ARHGEF26: variants seen among roughly 807,000 people sequenced by gnomAD.
The protein encoded by ARHGEF26 is Rho guanine nucleotide exchange factor (GEF) 26.
A neutral mutation model predicts 89.4 loss-of-function variants in ARHGEF26; 59 were observed. The observed-to-expected ratio is 0.66, with a 90% CI of 0.54 to 0.82. The LOEUF is 0.82. Ranked by LOEUF, ARHGEF26 falls within the 40% of genes least tolerant of loss-of-function variation. ARHGEF26 has a pLI of 0.00. For synonymous variants in ARHGEF26, 500 were observed against 428.4 expected, an observed-to-expected ratio of 1.17 and a Z score of -2.06; for missense variants, 1,234 against 1,085.6, an observed-to-expected ratio of 1.14 and a Z score of -1.92.
intron 9 of ARHGEF26, among the ~76,000 whole-genome samples, chr3:154,213,563 A>C (rs1294736737): frequency 6.6e-6 from 1 of 152,086 alleles, no homozygotes; most frequent in Non-Finnish European, 1.5e-5. Context: ...GCTTTTGCTG[A>C]TGGGCTCAGA....
chr3:154,239,287 A>AGGGT (rs1717324770), intron 11 of ARHGEF26, among the ~76,000 whole-genome samples: 1 of 104,216 alleles, frequency 9.6e-6, no homozygotes, highest in East Asian at 2.8e-4. Context: ...AGAGAGAGAG[A>AGGGT]GAGAGAGAGA....
intron 7 of ARHGEF26, among the ~76,000 whole-genome samples, chr3:154,189,831 TTG>T (rs1161245294): frequency 6.9e-6 from 1 of 145,750 alleles, no homozygotes; most frequent in Admixed American, 7.2e-5. Context: ...TTAGAGGTTT[TTG>T]TTTTTTTTTT....
intron 9 of ARHGEF26, among the ~76,000 whole-genome samples, chr3:154,217,146 C>T (rs1395890711): frequency 6.6e-6 from 1 of 151,454 alleles, no homozygotes; most frequent in Non-Finnish European, 1.5e-5. Context: ...TTTACAGTCC[C>T]ACCAACAGTG....
intron 6 of ARHGEF26, among the ~76,000 whole-genome samples, chr3:154,174,168 G>T (rs986360505): frequency 1.3e-5 from 2 of 152,174 alleles, no homozygotes; most frequent in Admixed American, 1.3e-4. Context: ...TCTGAGTAGT[G>T]GGATCACCAT....
intron 10 of ARHGEF26, among the ~76,000 whole-genome samples, chr3:154,224,326 TTAGGTGTTTA>T (rs1170263356): frequency 6.6e-6 from 1 of 152,228 alleles, no homozygotes; most frequent in Non-Finnish European, 1.5e-5. Context: ...TTTGTCAATT[TTAGGTGTTTA>T]TAGGTAGAAA....
At chr3:154,253,036 T>C in intron 12 of ARHGEF26, 80 bp from the exon 13 acceptor site, 1 of 1,518,532 alleles carries the variant, frequency 6.6e-7, no homozygotes. Flanking sequence ...GGGAGTGCCT[T>C]TGCATTGGCT....
intron 11 of ARHGEF26, among the ~76,000 whole-genome samples, chr3:154,237,934 T>C (rs1275622963): frequency 1.3e-5 from 2 of 152,142 alleles, no homozygotes; most frequent in Non-Finnish European, 2.9e-5. Flanking sequence ...AGAGAGAAAA[T>C]AGTAACAAAG....
chr3:154,190,673 G>GT (rs1713899123), intron 7 of ARHGEF26, among the ~76,000 whole-genome samples: 1 of 152,190 alleles, frequency 6.6e-6, no homozygotes, highest in Admixed American at 6.5e-5. Context: ...ATGAAAGAAT[G>GT]TATGTCACAG....
intron 4 of ARHGEF26, among the ~76,000 whole-genome samples, chr3:154,142,219 CTT>C (rs967079020): frequency 6.2e-5 from 9 of 145,114 alleles, no homozygotes; most frequent in Non-Finnish European, 1.2e-4. Flanking sequence ...AAAACTTTTT[CTT>C]TTTTTTTTTT....
In ARHGEF26 at chr3:154,196,021, T is replaced by C. The variant is rs547925498; in HGVS notation, c.1845+1303T>C. On this transcript the variant is annotated intron_variant, in intron 9 of 14. Transcript: ENST00000465093. ...GCAGTTAATTTGGTGGTTAACTCTG[T>C]TGAATGCTTCTGAAAGATAAAGTGG... is the stretch of plus-strand genomic sequence containing the variant. Among the ~76,000 whole-genome samples the C allele has an allele frequency of 6.6e-5, 10 of 152,168 alleles. No individual in the cohort carries two copies. In the South Asian group the frequency reaches 2.1e-3, roughly 32 times the overall value.
chr3:154,163,571 C>T (rs955496425), intron 6 of ARHGEF26, among the ~76,000 whole-genome samples: 1 of 152,140 alleles, frequency 6.6e-6, no homozygotes, highest in African/African-American at 2.4e-5. Context: ...TTTGAACTTG[C>T]TCCTGTTGGT....
chr3:154,209,232 C>A (rs1715218891), intron 9 of ARHGEF26, among the ~76,000 whole-genome samples: 1 of 152,174 alleles, frequency 6.6e-6, no homozygotes, highest in South Asian at 2.1e-4. Flanking sequence ...TGAAAAGTCA[C>A]ATATGTGTGT....
intron 9 of ARHGEF26, among the ~76,000 whole-genome samples, chr3:154,200,249 TA>T (rs1226467818): frequency 2.0e-5 from 3 of 152,162 alleles, no homozygotes; most frequent in Non-Finnish European, 4.4e-5. Context: ...TGGTAAGAGA[TA>T]GGGGTATAGT....
At chr3:154,207,413 A>G (rs1715090463) in intron 9 of ARHGEF26, among the ~76,000 whole-genome samples, 1 of 152,136 alleles carries the variant, frequency 6.6e-6, no homozygotes, top group Non-Finnish European at 1.5e-5. Flanking sequence ...AAGAAAAAAG[A>G]ATAACTCTTT....
rs376645250 is a variant in ARHGEF26 at position 154,235,771 on chromosome 3, TA to T, written c.2091-4595del. Reference sequence around the variant, plus strand: ...TCCTTTTTAAACAAAAAAAAATATATAAAACACTTCAGATTACCCAAAGTCC... The same window carrying T: ...TCCTTTTTAAACAAAAAAAAATATATAAACACTTCAGATTACCCAAAGTCC... On this transcript the variant is annotated intron_variant, in intron 11 of 14. Transcript: ENST00000465093. Among the ~76,000 whole-genome samples, 482 of 152,264 alleles carry T rather than the reference TA, an allele frequency of 3.2e-3. 3 individuals are homozygous for T. Among genetic ancestry groups the T allele is most frequent in the African/African-American group, 0.011 (468 of 41,550 alleles).
intron 6 of ARHGEF26, among the ~76,000 whole-genome samples, chr3:154,179,581 G>T (rs1006386833): frequency 6.6e-6 from 1 of 152,148 alleles, no homozygotes; most frequent in Admixed American, 6.5e-5. Context: ...TGTTGGAATT[G>T]TCCTGGGCTG....
intron 6 of ARHGEF26, among the ~76,000 whole-genome samples, chr3:154,178,931 A>G (rs1375343977): frequency 6.6e-6 from 1 of 152,192 alleles, no homozygotes; most frequent in Non-Finnish European, 1.5e-5. Flanking sequence ...CTAAAATACC[A>G]GAAACCCTAG....
At chr3:154,196,577 T>C (rs1714304230) in intron 9 of ARHGEF26, among the ~76,000 whole-genome samples, 1 of 152,222 alleles carries the variant, frequency 6.6e-6, no homozygotes, top group Non-Finnish European at 1.5e-5. Context: ...TAGTTGTTTA[T>C]TTTTCTAACA....
chr3:154,124,384 T>G, intron 2 of ARHGEF26, 26 bp from the exon 3 acceptor site: 4 of 1,395,120 alleles, frequency 2.9e-6, no homozygotes, highest in Non-Finnish European at 3.8e-6. Context: ...TTTTTTTTTT[T>G]TTTTTTACTT....
Sources: gnomAD v4.1 joint callset for allele counts (sites outside exome capture counted in the v4.1 genomes callset) on GRCh38, gnomAD v4.1.1 for gene constraint, MANE v1.5 for transcripts, NCBI Gene and HGNC (gene_info 2026-07-23, HGNC 2026-07-21) for gene names.